ECT2L: variants seen among roughly 807,000 people sequenced by gnomAD.
ECT2L encodes epithelial cell-transforming sequence 2 oncogene-like.
ECT2L carries 126 observed loss-of-function variants against 122.8 expected under a neutral mutation model. The observed-to-expected ratio is 1.03, with a 90% CI of 0.89 to 1.19. The LOEUF (loss-of-function observed/expected upper bound fraction) is 1.19, where lower values mean the gene tolerates loss of function less well. ECT2L is among the 50% of genes most tolerant of loss of function. The probability of loss-of-function intolerance (pLI) is 0.00; values close to 1 mark genes in which losing one functional copy is unlikely to be tolerated. For synonymous variants in ECT2L, 385 were observed against 381.8 expected (o/e 1.01, Z -0.10); for missense variants, 1,012 against 1,064.1 (o/e 0.95, Z 0.68).
chr6:138,875,462 T>C (rs1291773038), intron 13 of ECT2L, among the ~76,000 whole-genome samples: 1 of 152,250 alleles, frequency 6.6e-6, no homozygotes, highest in African/African-American at 2.4e-5. Context: ...TTGTCTTTGA[T>C]GAGGAAGGCA....
chr6:138,886,510 C>A (rs754521482), intron 18 of ECT2L, among the ~76,000 whole-genome samples: 2 of 151,930 alleles, frequency 1.3e-5, no homozygotes, highest in Non-Finnish European at 2.9e-5. Flanking sequence ...CTGATTCAAG[C>A]AATCCTCCCA....
intron 13 of ECT2L, among the ~76,000 whole-genome samples, chr6:138,868,861 C>G (rs577617787): frequency 6.6e-6 from 1 of 152,152 alleles, no homozygotes; most frequent in Non-Finnish European, 1.5e-5. Flanking sequence ...AAGAGGACAG[C>G]ATGGCTATAG....
chr6:138,844,227 C>T (rs1051344769), intron 6 of ECT2L, among the ~76,000 whole-genome samples, 185 bp from the exon 7 acceptor site: 1 of 152,134 alleles, frequency 6.6e-6, no homozygotes, highest in African/African-American at 2.4e-5. Flanking sequence ...CTGAAATGAC[C>T]GGTAGCTCAC....
At chr6:138,864,308 C>G (rs1777950082) in intron 11 of ECT2L, among the ~76,000 whole-genome samples, 1 of 152,062 alleles carries the variant, frequency 6.6e-6, no homozygotes, top group African/African-American at 2.4e-5. Flanking sequence ...GGTGACAGAG[C>G]AAGACTGTCT....
intron 3 of ECT2L, among the ~76,000 whole-genome samples, 192 bp from the exon 4 acceptor site, chr6:138,814,299 T>C (rs1253258001): frequency 6.6e-6 from 1 of 152,210 alleles, no homozygotes; most frequent in Non-Finnish European, 1.5e-5. Flanking sequence ...CCTGGGCCTG[T>C]CAGTATCCCT....
At chr6:138,867,186 T>C (rs185832646) in intron 12 of ECT2L, among the ~76,000 whole-genome samples, 29 of 152,350 alleles carry the variant, frequency 1.9e-4, no homozygotes, top group South Asian at 4.1e-4. Flanking sequence ...TTTAAATTTA[T>C]TGAGCTCCTT....
intron 4 of ECT2L, among the ~76,000 whole-genome samples, chr6:138,829,900 T>G (rs1019534802): frequency 6.6e-6 from 1 of 152,046 alleles, no homozygotes; most frequent in Non-Finnish European, 1.5e-5. Flanking sequence ...TTTTTTGTAT[T>G]TTTAGTAGAG....
chr6:138,849,235 T>A, intron 8 of ECT2L, 34 bp from the exon 9 acceptor site: 1 of 1,562,376 alleles, frequency 6.4e-7, no homozygotes, highest in Non-Finnish European at 8.7e-7. Flanking sequence ...AAATAGTGGG[T>A]CTTGGCTCTT....
rs1224043451 is a variant in ECT2L at position 138,901,042 on chromosome 6, A to C, written c.2509A>C (p.Thr837Pro). 4 of 1,614,024 alleles carry C rather than the reference A, an allele frequency of 2.5e-6. No individual in the cohort carries two copies. In the African/African-American group the frequency reaches 4.0e-5, roughly 16 times the overall value. The change falls in exon 21 of 22, where the codon ACT becomes CCT. Residue 837 changes from threonine (T) to proline (P), a missense_variant. Transcript: ENST00000541398. ...RGTSHTPFER[T>P]SKTTYQFIAS... is the part of the protein sequence containing the mutation. ...CACATCTCACACTCCATTTGAGAGG[A>C]CTTCAAAAACAACCTACCAGTTCAT...
intron 4 of ECT2L, among the ~76,000 whole-genome samples, chr6:138,827,809 C>G (rs891756532): frequency 6.6e-6 from 1 of 152,182 alleles, no homozygotes; most frequent in Non-Finnish European, 1.5e-5. Context: ...CCACCAGCCT[C>G]GGATTCCCAA....
intron 16 of ECT2L, among the ~76,000 whole-genome samples, chr6:138,884,346 C>A (rs1422917339): frequency 1.3e-5 from 2 of 151,920 alleles, no homozygotes; most frequent in Admixed American, 6.6e-5. Context: ...CATTTTAAAA[C>A]AGATATTAAG....
intron 8 of ECT2L, 38 bp from the exon 9 acceptor site, chr6:138,849,231 T>G: frequency 6.8e-7 from 1 of 1,472,068 alleles, no homozygotes; most frequent in Non-Finnish European, 9.0e-7. Context: ...TCTAAAATAG[T>G]GGGTCTTGGC....
At chr6:138,865,610 T>A (rs978789743) in intron 12 of ECT2L, among the ~76,000 whole-genome samples, 1 of 152,222 alleles carries the variant, frequency 6.6e-6, no homozygotes, top group Admixed American at 6.5e-5. Flanking sequence ...ATGGGCTCCA[T>A]GGGCCTTTGC....
rs1189713058 is a variant in ECT2L, at chr6:138,903,898, T to C, written c.*1271T>C. 1 of 152,208 alleles carries C rather than the reference T, an allele frequency of 6.6e-6. No individual in the cohort carries two copies. The highest frequency in any genetic ancestry group is 1.5e-5 in the Non-Finnish European group (1 of 68,026). The allele number at this position is 152,208 out of a possible 1,614,324, so 9.4% of individuals were successfully genotyped here. A position where few individuals can be genotyped will look rare whatever the true frequency, so the allele number is the denominator to read the frequency against. On this transcript the variant is annotated 3_prime_UTR_variant, in exon 22 of 22. Transcript: ENST00000541398. ...TTCTTGTTTACAGTAACAAAGTCTA[T>C]CGGTGCAGTTTAGGACTGTGAATCT...
chr6:138,835,531 G>A lies in ECT2L; in HGVS notation c.180-2821G>A, dbSNP rs1776802791. On this transcript the variant is annotated intron_variant, in intron 4 of 21. Coordinates refer to ENST00000541398, the MANE Select transcript of ECT2L (RefSeq NM_001077706.3). The stretch of plus-strand genomic sequence containing the variant: ...TGCGCCACTGCCCTCCAGCCTGGGT[G>A]ACAGAGCCAGGCCCTGTCTCAAAAA... Among the ~76,000 whole-genome samples, 3 of 147,998 alleles carry A rather than the reference G, an allele frequency of 2.0e-5. No individual in the cohort carries two copies. The Admixed American group carries it at 2.0e-4, about 10-fold the overall frequency.
chr6:138,805,894 T>A (rs143169275), intron 1 of ECT2L, among the ~76,000 whole-genome samples: 1 of 152,296 alleles, frequency 6.6e-6, no homozygotes, highest in Non-Finnish European at 1.5e-5. Context: ...AAGAATAGAC[T>A]CCACCTCTTG....
intron 4 of ECT2L, among the ~76,000 whole-genome samples, chr6:138,818,211 G>A (rs1776134282): frequency 6.6e-6 from 1 of 152,152 alleles, no homozygotes; most frequent in African/African-American, 2.4e-5. Flanking sequence ...ATGTGCGTGT[G>A]CGTGTGAGAT....
At chr6:138,875,892 G>A (rs562191041) in intron 13 of ECT2L, among the ~76,000 whole-genome samples, 52 of 152,234 alleles carry the variant, frequency 3.4e-4, no homozygotes, top group Non-Finnish European at 5.0e-4. Flanking sequence ...AGGCCAAGGC[G>A]GGCAGATTAC....
rs1281731131 is a variant in ECT2L at position 138,876,505 on chromosome 6, A to G, written c.1612A>G (p.Thr538Ala). ...RNVVEDNSWD[T>A]KSRLSKNDLN... ...TGTTGTAGAAGACAATTCTTGGGAC[A>G]CAAAGTCCAGGCTCAGCAAAAATGA... Residue 538 changes from threonine (T) to alanine (A), a missense_variant, in exon 14 of 22, where the codon ACA (threonine) becomes GCA (alanine). Physicochemically the swap from Thr to Ala is moderately conservative, Grantham distance 58 (BLOSUM62 0). Coordinates refer to ENST00000541398, the MANE Select transcript of ECT2L (RefSeq NM_001077706.3). 1 of 1,613,454 alleles carries G rather than the reference A, an allele frequency of 6.2e-7. No homozygotes were observed.
Sources: gnomAD v4.1 joint callset for allele counts (sites outside exome capture counted in the v4.1 genomes callset) on GRCh38, gnomAD v4.1.1 for gene constraint, MANE v1.5 for transcripts, NCBI Gene and HGNC (gene_info 2026-07-23, HGNC 2026-07-21) for gene names.